The following ABR variants were observed in gnomAD, a reference collection of about 807,000 sequenced individuals.
ABR encodes the protein active breakpoint cluster region-related protein.
ABR carries 35 observed loss-of-function variants against 107.2 expected under a neutral mutation model. That is an observed-to-expected ratio of 0.33 (90% CI 0.25 to 0.43). The LOEUF (loss-of-function observed/expected upper bound fraction) is 0.43, where lower values mean the gene tolerates loss of function less well. Ranked by LOEUF, ABR falls within the 20% of genes least tolerant of loss-of-function variation. ABR has a pLI of 1.00. For synonymous variants in ABR, 498 were observed against 462.0 expected, an observed-to-expected ratio of 1.08 and a Z score of -1.00; for missense variants, 815 against 1,115.2, an observed-to-expected ratio of 0.73 and a Z score of 3.83.
rs1340524479 is a variant in ABR at position 1,157,566 on chromosome 17, C to T, written c.61+22101G>A. Among the ~76,000 whole-genome samples the T allele has an allele frequency of 6.6e-6, 1 of 152,158 alleles. No homozygotes were observed. Among genetic ancestry groups the T allele is most frequent in the East Asian group, 1.9e-4 (1 of 5,180 alleles). On this transcript the variant is annotated intron_variant, in intron 1 of 22. Transcript: ENST00000302538. The surrounding 1 kb of genome is among the most constrained non-coding windows in gnomAD (Gnocchi z 4.7). ...GCGCCCGACCTCAGTGCACACAGTT[C>T]TAACATGCCTAGGGGGCTGGTCCCT...
chr17:1,062,090 G>C (rs920150980), intron 10 of ABR, among the ~76,000 whole-genome samples: 2 of 152,212 alleles, frequency 1.3e-5, no homozygotes, highest in Non-Finnish European at 2.9e-5. Context: ...GGCCTAAGCT[G>C]AACCTGAGAG....
At chr17:1,218,537 C>T (rs1180640866) in intron 1 of ABR, among the ~76,000 whole-genome samples, 2 of 152,164 alleles carry the variant, frequency 1.3e-5, no homozygotes, top group Non-Finnish European at 2.9e-5. Context: ...CCTTTGTGAG[C>T]TGTGTGACTA....
intron 1 of ABR, among the ~76,000 whole-genome samples, chr17:1,156,552 C>T (rs931256306): frequency 5.3e-5 from 8 of 152,212 alleles, no homozygotes; most frequent in African/African-American, 7.2e-5. Context: ...GACGTGGTGG[C>T]GCACACCTAC....
intron 16 of ABR, among the ~76,000 whole-genome samples, chr17:1,025,764 A>G (rs57159110): frequency 0.024 from 3,672 of 151,802 alleles, 98 homozygotes; most frequent in East Asian, 0.12. Flanking sequence ...TTTTCACAGC[A>G]CTCATCTGAC....
chr17:1,201,506 C>G lies in ABR; in HGVS notation c.838+27287G>C, dbSNP rs1046279629. Among the ~76,000 whole-genome samples, 5 of 152,134 alleles carry G rather than the reference C, an allele frequency of 3.3e-5. No individual in the cohort carries two copies. In the South Asian group the frequency reaches 1.0e-3, roughly 32 times the overall value. ...ACGGGTACACACACACACAACACCT[C>G]TCTCCGGAGGGTAAAAACAAGACAA... On this transcript the variant is annotated intron_variant, in intron 1 of 22. Transcript: ENST00000574139.
In ABR at chr17:1,124,506, G is replaced by A. The variant is rs114435652; in HGVS notation, c.246+677C>T. On this transcript the variant is annotated intron_variant, in intron 2 of 22. Coordinates refer to ENST00000302538, the MANE Select transcript of ABR (RefSeq NM_021962.5). ...TCATGTGTCTCCGACAGGCACACAC[G>A]AGCTGCGCTCAGACAGCGTCAGTCC... Among the ~76,000 whole-genome samples, 448 of 152,312 alleles carry A rather than the reference G, an allele frequency of 2.9e-3. 1 individual carries two copies. Among genetic ancestry groups the A allele is most frequent in the East Asian group, 0.01 (52 of 5,184 alleles).
rs1192619802 is a variant in ABR at position 1,170,005 on chromosome 17, TGTGG to T, written c.61+9658_61+9661del. On this transcript the variant is annotated intron_variant, in intron 1 of 22. Coordinates refer to ENST00000302538, the MANE Select transcript of ABR (RefSeq NM_021962.5). ...TTGTGTTTGTGTTTGTGTGTGTGTG[TGTGG>T]GGGGGGGGTGTGTTTGTGTATGTTA... is the stretch of plus-strand genomic sequence containing the variant. Among the ~76,000 whole-genome samples the T allele has an allele frequency of 4.0e-4, 52 of 130,554 alleles. 1 individual carries two copies. The Middle Eastern group carries it at 0.011, about 27-fold the overall frequency. 85.6% of individuals were successfully genotyped at this position (130,554 alleles called of 152,430 possible).
intron 10 of ABR, 127 bp from the exon 11 acceptor site, chr17:1,058,994 C>T: frequency 1.4e-6 from 2 of 1,387,988 alleles, no homozygotes; most frequent in Non-Finnish European, 2.0e-6. Context: ...GATGTTTTGA[C>T]ATCTTGTGGC....
At chr17:1,226,179 A>G (rs2043210042) in intron 1 of ABR, among the ~76,000 whole-genome samples, 1 of 152,200 alleles carries the variant, frequency 6.6e-6, no homozygotes, top group South Asian at 2.1e-4. Context: ...GTAGAGAAAA[A>G]TGAAGCAACA....
At chr17:1,140,676 A>G (rs62069397) in intron 1 of ABR, among the ~76,000 whole-genome samples, 9,033 of 151,426 alleles carry the variant, frequency 0.06, 351 homozygotes, top group East Asian at 0.12. Flanking sequence ...TCCGCCTCCC[A>G]GGTTCAAGCA....
In ABR at chr17:1,011,970, C is replaced by T. The variant is rs2070596176; in HGVS notation, c.1977G>A (p.Lys659=). Residue 659 remains lysine (K), a synonymous_variant, in exon 19 of 23, where the codon AAG becomes AAA. Coordinates refer to ENST00000302538, the MANE Select transcript of ABR (RefSeq NM_021962.5). This position sits in a 1 kb window ranked among gnomAD's most constrained non-coding sequence, Gnocchi z 4.8. ...CACACTGCCGGACGATGTAGGGCAC[C>T]TTGGAGCGCTCCCGCCTGGGGTGGA... ...ISVVTKRERS[K]VPYIVRQCVE... 1 of 1,613,506 alleles carries T rather than the reference C, an allele frequency of 6.2e-7. No homozygotes were observed. The highest frequency in any genetic ancestry group is 8.5e-7 in the Non-Finnish European group (1 of 1,179,532).
chr17:1,125,439 C>G, intron 1 of ABR, 72 bp from the exon 2 acceptor site: 1 of 1,576,520 alleles, frequency 6.3e-7, no homozygotes, highest in Non-Finnish European at 8.6e-7. Flanking sequence ...GCGTAGTGGG[C>G]GCCGGCGGCG....
At chr17:1,223,631 A>T (rs1315778005) in intron 1 of ABR, among the ~76,000 whole-genome samples, 2 of 152,148 alleles carry the variant, frequency 1.3e-5, no homozygotes, top group African/African-American at 4.8e-5. Flanking sequence ...GCTGTAAAGA[A>T]CTACCCGAGA....
At position 1,115,997 on chromosome 17, in the gene ABR, C is replaced by T. The variant is rs376614234; in HGVS notation, c.246+9186G>A. ...ATCCCAGCACTTTGGGAGGCCGAGG[C>T]GGGCGGATCACCTGAGGTTGGGAGT... On this transcript the variant is annotated intron_variant, in intron 2 of 22. Transcript: ENST00000302538. Among the ~76,000 whole-genome samples the T allele has an allele frequency of 1.4e-3, 207 of 151,808 alleles. No individual in the cohort carries two copies. In the South Asian group the frequency reaches 0.018, roughly 13 times the overall value.
At chr17:1,195,305 A>AAAAAAAAAAG (rs2042536238) in intron 1 of ABR, among the ~76,000 whole-genome samples, 1 of 82,586 alleles carries the variant, frequency 1.2e-5, no homozygotes, top group Non-Finnish European at 2.7e-5. Context: ...AGACTGTCTC[A>AAAAAAAAAAG]AAAAAAAAAA....
intron 1 of ABR, among the ~76,000 whole-genome samples, chr17:1,175,269 G>A (rs1373556839): frequency 9.9e-5 from 15 of 152,192 alleles, no homozygotes; most frequent in East Asian, 3.9e-4. Context: ...AAAATTAGCC[G>A]GGTGTGGTGG....
At chr17:1,168,847 T>G (rs1004606959) in intron 1 of ABR, among the ~76,000 whole-genome samples, 2 of 152,244 alleles carry the variant, frequency 1.3e-5, no homozygotes, top group African/African-American at 4.8e-5. Flanking sequence ...AATCAGCTCC[T>G]GCCTTTGGTT....
At chr17:1,142,974 G>A (rs955747545) in intron 1 of ABR, among the ~76,000 whole-genome samples, 2 of 151,676 alleles carry the variant, frequency 1.3e-5, no homozygotes, top group Non-Finnish European at 2.9e-5. Flanking sequence ...TCACTCCTGG[G>A]GGACAGCTCG....
rs184612861 is a variant in ABR at position 1,083,615 on chromosome 17, C to G, written c.544G>C (p.Gly182Arg). 6.2e-7 allele frequency: 1 copy of G among 1,611,462 alleles called. No homozygotes were observed. Among genetic ancestry groups the G allele is most frequent in the Admixed American group, 1.7e-5 (1 of 59,902 alleles). ...HLFQKLASQL[G>R]VYKAFVDNYK... is the part of the protein sequence containing the mutation. ...TTATCGACAAACGCTTTGTACACAC[C>G]GAGCTGGCTGGCCTGCAGGGAGGAG... Residue 182 changes from glycine (G) to arginine (R), a missense_variant, in exon 5 of 23, where the codon GGT (glycine) becomes CGT (arginine). Around this residue, in one of 5 missense-constraint regions of ABR, gnomAD observed 385 missense variants for 596.9 expected, o/e 0.64. Coordinates refer to ENST00000302538, the MANE Select transcript of ABR (RefSeq NM_021962.5).
Sources: allele counts gnomAD v4.1 joint callset (sites outside exome capture counted in the v4.1 genomes callset), GRCh38; gene constraint gnomAD v4.1.1; regional missense constraint gnomAD v4.1.1; non-coding constraint Gnocchi (gnomAD v3.1); transcripts MANE v1.5; gene names NCBI Gene and HGNC (gene_info 2026-07-23, HGNC 2026-07-21).